WDR59: variants seen among roughly 807,000 people sequenced by gnomAD.
WDR59 encodes WD repeat domain 59, also known as GATOR2 complex protein WDR59.
In WDR59, 100 loss-of-function variants were observed where a neutral mutation model predicts 131.2. The observed-to-expected ratio is 0.76, with a 90% CI of 0.65 to 0.90. The LOEUF is 0.90. Ranked by LOEUF, WDR59 falls within the 40% of genes least tolerant of loss-of-function variation. WDR59 has a pLI of 0.00. For missense variants in WDR59, 1,203 were observed against 1,262.2 expected, an observed-to-expected ratio of 0.95 and a Z score of 0.71; for synonymous variants, 601 against 466.2, an observed-to-expected ratio of 1.29 and a Z score of -3.72.
At chr16:74,953,932 G>C (rs1034073321) in intron 3 of WDR59, among the ~76,000 whole-genome samples, 3 of 150,986 alleles carry the variant, frequency 2.0e-5, no homozygotes, top group African/African-American at 7.3e-5. Flanking sequence ...AACCCGGGAG[G>C]TGGAGCTTGC....
chr16:74,976,093 CTA>C (rs1192608843), intron 1 of WDR59, among the ~76,000 whole-genome samples: 1 of 152,172 alleles, frequency 6.6e-6, no homozygotes. Context: ...CCCTCCATCT[CTA>C]TAGTTTTTCA....
intron 2 of WDR59, 27 bp downstream of exon 2, chr16:74,965,746 G>A: frequency 1.9e-6 from 3 of 1,613,702 alleles, no homozygotes; most frequent in Non-Finnish European, 2.5e-6. Context: ...AGAAATCATG[G>A]CAGACAAACT....
intron 6 of WDR59, among the ~76,000 whole-genome samples, chr16:74,947,181 G>T (rs1335122566): frequency 6.6e-6 from 1 of 152,194 alleles, no homozygotes; most frequent in East Asian, 1.9e-4. Context: ...AGTCGCGATG[G>T]CTCAAGCCTA....
intron 18 of WDR59, among the ~76,000 whole-genome samples, chr16:74,896,019 A>ACAC (rs1965280921): frequency 6.6e-6 from 1 of 152,150 alleles, no homozygotes; most frequent in African/African-American, 2.4e-5. Context: ...GACTTTAAAA[A>ACAC]GCCCAGGAAA....
chr16:74,915,651 TG>T, intron 13 of WDR59: 1 of 464,098 alleles, frequency 2.2e-6, no homozygotes, highest in Non-Finnish European at 3.7e-6. Context: ...CCTGGCTTCC[TG>T]GTTTCAAGTG....
At chr16:74,949,572 C>G (rs1039665804) in intron 5 of WDR59, 146 bp downstream of exon 5, 2 of 659,348 alleles carry the variant, frequency 3.0e-6, no homozygotes, top group East Asian at 6.2e-5. Context: ...CTTTCACTCT[C>G]AAATAATATA....
At chr16:74,958,592 CAAAAAAAAAAAAAA>C (rs747175030) in intron 2 of WDR59, among the ~76,000 whole-genome samples, 7 of 13,242 alleles carry the variant, frequency 5.3e-4, no homozygotes, top group African/African-American at 6.4e-4. Flanking sequence ...GACTCCATCT[CAAAAAAAAAAAAAA>C]AAAAAAAAAA....
Position 74,930,420 on chromosome 16 carries a change from A to G in WDR59, c.652-6417T>C, listed in dbSNP as rs28658267. Among the ~76,000 whole-genome samples the G allele has an allele frequency of 7.2e-3, 1,098 of 152,284 alleles. 9 individuals are homozygous for G. The highest frequency in any genetic ancestry group is 0.025 in the African/African-American group (1,032 of 41,562). ...ACTCTCAAATCCTTGCTGAAGGTGTACCTCAGGGAAAAATCAGCAGTGAGT... is the reference window on the plus strand; with the variant it reads ...ACTCTCAAATCCTTGCTGAAGGTGTGCCTCAGGGAAAAATCAGCAGTGAGT... On this transcript the variant is annotated intron_variant, in intron 8 of 25. Transcript: ENST00000262144.
intron 20 of WDR59, among the ~76,000 whole-genome samples, chr16:74,890,200 G>C (rs1476017644): frequency 6.6e-6 from 1 of 152,072 alleles, no homozygotes; most frequent in East Asian, 1.9e-4. Context: ...GCCCAGGCTG[G>C]AGTGCCGTGG....
rs750950817 is a variant in WDR59, at chr16:74,915,948, T to A, written c.1146A>T (p.Ser382=). ...AGGTCTGAGGCAGCCCCAGTTGATC[T>A]GATTTCCTCTCTTCCAGGAGATTTC... is the stretch of plus-strand genomic sequence containing the variant. ...PPRNLLEERK[S]DQLGLPQTLQ... is the part of the protein sequence containing the mutation. The change falls in exon 13 of 26, where the codon TCA becomes TCT. Residue 382 remains serine, a synonymous_variant. Coordinates refer to ENST00000262144, the MANE Select transcript of WDR59 (RefSeq NM_030581.4). 1.9e-6 allele frequency: 3 copies of A among 1,614,214 alleles called. No individual in the cohort carries two copies. In the Admixed American group the frequency reaches 5.0e-5, roughly 27 times the overall value.
chr16:74,941,769 G>A (rs2032250089), intron 7 of WDR59, among the ~76,000 whole-genome samples: 1 of 151,976 alleles, frequency 6.6e-6, no homozygotes. Context: ...ATCTAAGGCA[G>A]AGGGCTTCTG....
intron 6 of WDR59, among the ~76,000 whole-genome samples, chr16:74,947,256 T>A (rs1055648487): frequency 2.6e-5 from 4 of 152,070 alleles, no homozygotes; most frequent in African/African-American, 9.7e-5. Context: ...CAAGACCAGC[T>A]TGACCAACGT....
chr16:74,926,422 A>G (rs2030820103), intron 8 of WDR59, among the ~76,000 whole-genome samples: 1 of 152,190 alleles, frequency 6.6e-6, no homozygotes, highest in Non-Finnish European at 1.5e-5. Flanking sequence ...ATATTTGAAG[A>G]CAGAATAAAG....
In WDR59 at chr16:74,975,838, T is replaced by G. The variant is rs137923230; in HGVS notation, c.54+9126A>C. On this transcript the variant is annotated intron_variant, in intron 1 of 25. Transcript: ENST00000262144. Reference sequence around the variant, plus strand: ...TTCTTCTCCCATTCATCACCACATCTTTATATTAAATTTTCTAGAAAAAAA... The same window carrying G: ...TTCTTCTCCCATTCATCACCACATCGTTATATTAAATTTTCTAGAAAAAAA... Among the ~76,000 whole-genome samples the G allele has an allele frequency of 8.0e-3, 1,212 of 151,732 alleles. 22 individuals carry two copies. Among genetic ancestry groups the G allele is most frequent in the African/African-American group, 0.027 (1,136 of 41,344 alleles).
At chr16:74,951,594 C>G (rs1262524519) in intron 3 of WDR59, 51 bp from the exon 4 acceptor site, 18 of 1,506,572 alleles carry the variant, frequency 1.2e-5, no homozygotes, top group Non-Finnish European at 1.5e-5. Context: ...GATATATGGT[C>G]TTGCCCCAAT....
At chr16:74,966,130 T>C (rs559790422) in intron 1 of WDR59, among the ~76,000 whole-genome samples, 11 of 152,110 alleles carry the variant, frequency 7.2e-5, no homozygotes, top group African/African-American at 2.2e-4. Flanking sequence ...AATAGGGCAG[T>C]TGCTACCTGT....
intron 13 of WDR59, chr16:74,915,456 G>T (rs187905386): frequency 6.5e-6 from 1 of 152,894 alleles, no homozygotes; most frequent in Non-Finnish European, 1.5e-5. Flanking sequence ...TTGAGACAGA[G>T]TCTTGCTCTG....
chr16:74,968,728 A>G (rs1357045354), intron 1 of WDR59, among the ~76,000 whole-genome samples: 1 of 152,006 alleles, frequency 6.6e-6, no homozygotes, highest in Non-Finnish European at 1.5e-5. Context: ...CTGTCTCAAA[A>G]CAAAACAAAA....
At chr16:74,981,658 A>ATTTTTTTTTTTTTTTTTT (rs2034430352) in intron 1 of WDR59, among the ~76,000 whole-genome samples, 2 of 75,522 alleles carry the variant, frequency 2.6e-5, no homozygotes, top group African/African-American at 1.6e-4. Flanking sequence ...ATATATATAT[A>ATTTTTTTTTTTTTTTTTT]TATTTTTTTT....
Sources: allele counts gnomAD v4.1 joint callset (sites outside exome capture counted in the v4.1 genomes callset), GRCh38; gene constraint gnomAD v4.1.1; transcripts MANE v1.5; gene names NCBI Gene and HGNC (gene_info 2026-07-23, HGNC 2026-07-21).